The following ASNS variants were observed in gnomAD, a reference collection of about 807,000 sequenced individuals.
ASNS encodes asparagine synthetase (glutamine-hydrolyzing), also known as asparagine synthetase [glutamine-hydrolyzing].
In ASNS, 37 loss-of-function variants were observed where a neutral mutation model predicts 62.6. That is an observed-to-expected ratio of 0.59 (90% CI 0.45 to 0.78). The LOEUF is 0.78. Among genes scored for constraint, ASNS ranks in the 30% least tolerant of loss-of-function variants. The pLI, the probability that ASNS is intolerant of heterozygous loss-of-function variation, is 0.00. For missense variants in ASNS, 520 were observed against 682.4 expected, an observed-to-expected ratio of 0.76 and a Z score of 2.65; for synonymous variants, 207 against 237.9, an observed-to-expected ratio of 0.87 and a Z score of 1.19.
At chr7:97,896,737 CACACATATATATATAT>C in the ASNS span, among the ~76,000 whole-genome samples, 4 of 30,518 alleles carry the variant, frequency 1.3e-4, no homozygotes, top group South Asian at 1.4e-3. Context: ...CACACACACA[CACACATATATATATAT>C]ATATATATAT....
chr7:97,868,398 T>C (rs1443105009), intron 3 of ASNS, among the ~76,000 whole-genome samples: 4 of 152,194 alleles, frequency 2.6e-5, no homozygotes, highest in Admixed American at 6.5e-5. Context: ...TATGGACTCT[T>C]AGGTTTAATA....
chr7:97,888,423 A>G, the ASNS span, among the ~76,000 whole-genome samples: 2 of 152,070 alleles, frequency 1.3e-5, no homozygotes, highest in African/African-American at 2.4e-5. Context: ...CCAAGGGCCA[A>G]ATCTGGCCCT....
At chr7:97,865,213 A>G (rs558959992) in intron 3 of ASNS, among the ~76,000 whole-genome samples, 2 of 152,340 alleles carry the variant, frequency 1.3e-5, no homozygotes, top group East Asian at 1.9e-4. Flanking sequence ...TAAGAAAGTA[A>G]TAAGTAGCAT....
chr7:97,878,346 G>A, the ASNS span, among the ~76,000 whole-genome samples: 1 of 152,166 alleles, frequency 6.6e-6, no homozygotes, highest in East Asian at 1.9e-4. Flanking sequence ...TGAGAGGGTC[G>A]TGATCATGAG....
chr7:97,889,927 C>CAAAA, the ASNS span, among the ~76,000 whole-genome samples: 130 of 38,558 alleles, frequency 3.4e-3, 1 homozygote, highest in African/African-American at 4.3e-3. Flanking sequence ...ATAATGAATA[C>CAAAA]AAAAAAAAAA....
At chr7:97,914,136 GTGGATGGATGGATGCA>G in the ASNS span, among the ~76,000 whole-genome samples, 8 of 131,496 alleles carry the variant, frequency 6.1e-5, no homozygotes, top group South Asian at 1.8e-3. Context: ...GGGTAGGTGG[GTGGATGGATGGATGCA>G]TGGATGGATG....
intron 4 of ASNS, among the ~76,000 whole-genome samples, 167 bp from the exon 5 acceptor site, chr7:97,859,565 A>G (rs1791621814): frequency 6.6e-6 from 1 of 152,218 alleles, no homozygotes; most frequent in Non-Finnish European, 1.5e-5. Context: ...AAGCCCTACC[A>G]TCTACTTACC....
At chr7:97,923,010 G>A in the ASNS span, among the ~76,000 whole-genome samples, 47 of 152,160 alleles carry the variant, frequency 3.1e-4, no homozygotes, top group African/African-American at 1.1e-3. Context: ...GGCTGGTCTC[G>A]AACTCCTGAC....
Position 97,870,353 on chromosome 7 carries a change from T to A in ASNS, c.-59-540A>T, listed in dbSNP as rs188788551. 278 of 360,832 alleles carry A rather than the reference T, an allele frequency of 7.7e-4. 1 individual carries two copies. The East Asian group carries it at 7.8e-3, about 10-fold the overall frequency. The allele number at this position is 360,832 out of a possible 1,614,324, so 22.4% of individuals were successfully genotyped here. A position where few individuals can be genotyped will look rare whatever the true frequency, so the allele number is the denominator to read the frequency against. ...AAAATAACTATTTTGGTGTTTTTTT[T>A]AAAAAAACTGCGAATTGCAGCAAAT... On this transcript the variant is annotated intron_variant, in intron 1 of 12. Transcript: ENST00000394308.
Position 97,853,157 on chromosome 7 carries a change from T to C in ASNS, c.1379A>G (p.Lys460Arg), listed in dbSNP as rs1791268460. 5.6e-6 allele frequency: 9 copies of C among 1,612,080 alleles called. No individual in the cohort carries two copies. Among genetic ancestry groups the C allele is most frequent in the Non-Finnish European group, 7.6e-6 (9 of 1,179,280 alleles). The change falls in exon 12 of 13, where the codon AAA becomes AGA. Residue 460 changes from lysine (K) to arginine (R), a missense_variant. Coordinates refer to ENST00000394308, the MANE Select transcript of ASNS (RefSeq NM_001673.5). Reference sequence around the variant, plus strand: ...TTCTTTTGGTCGCCAGAGAATCTCTTTGGGTATCAGATTGGAATCCTCAAA... The same window carrying C: ...TTCTTTTGGTCGCCAGAGAATCTCTCTGGGTATCAGATTGGAATCCTCAAA... ...ETFEDSNLIPKEILWRPKEAF... is the reference protein window; with the variant it reads ...ETFEDSNLIPREILWRPKEAF...
At chr7:97,881,389 C>G in the ASNS span, among the ~76,000 whole-genome samples, 3 of 148,540 alleles carry the variant, frequency 2.0e-5, no homozygotes, top group African/African-American at 7.5e-5. Context: ...CCCCGCCCCC[C>G]CAAAAAATAA....
chr7:97,862,456 G>A (rs941237859), intron 4 of ASNS, among the ~76,000 whole-genome samples: 2 of 152,142 alleles, frequency 1.3e-5, no homozygotes, highest in African/African-American at 2.4e-5. Flanking sequence ...GGGGTTAGGA[G>A]GAAGAGGACG....
At chr7:97,866,892 C>T (rs1791999176) in intron 3 of ASNS, among the ~76,000 whole-genome samples, 1 of 152,202 alleles carries the variant, frequency 6.6e-6, no homozygotes, top group Non-Finnish European at 1.5e-5. Context: ...CAGTCTTCTG[C>T]TGACTCTTCT....
the ASNS span, among the ~76,000 whole-genome samples, chr7:97,925,901 C>G: frequency 2.6e-5 from 4 of 152,120 alleles, no homozygotes; most frequent in Non-Finnish European, 5.9e-5. Context: ...AGCTGTTGGT[C>G]AGACACACCC....
the ASNS span, among the ~76,000 whole-genome samples, chr7:97,880,994 G>A: frequency 1.3e-5 from 2 of 152,170 alleles, no homozygotes; most frequent in Non-Finnish European, 2.9e-5. Flanking sequence ...AGGCTGAAGT[G>A]CAGTGGTGCG....
intron 5 of ASNS, 86 bp downstream of exon 5, chr7:97,859,127 A>G: frequency 6.6e-7 from 1 of 1,510,368 alleles, no homozygotes; most frequent in Non-Finnish European, 8.9e-7. Context: ...TCTTGAAACT[A>G]AAATCATTCA....
the ASNS span, among the ~76,000 whole-genome samples, chr7:97,913,748 G>A: frequency 6.6e-6 from 1 of 150,742 alleles, no homozygotes; most frequent in Non-Finnish European, 1.5e-5. Flanking sequence ...TACCTCCCCA[G>A]AATCTAGTAG....
chr7:97,918,146 G>T, the ASNS span, among the ~76,000 whole-genome samples: 1 of 152,302 alleles, frequency 6.6e-6, no homozygotes, highest in Admixed American at 6.5e-5. Context: ...GGACCCCCCA[G>T]GACACCAGGG....
At chr7:97,912,212 C>T in the ASNS span, among the ~76,000 whole-genome samples, 1 of 152,190 alleles carries the variant, frequency 6.6e-6, no homozygotes, top group Non-Finnish European at 1.5e-5. Flanking sequence ...GTCTCTGTCT[C>T]TAGAGATATT....
Sources: gnomAD v4.1 joint callset for allele counts (sites outside exome capture counted in the v4.1 genomes callset) on GRCh38, gnomAD v4.1.1 for gene constraint, MANE v1.5 for transcripts, NCBI Gene and HGNC (gene_info 2026-07-23, HGNC 2026-07-21) for gene names.